Variants in TRIM66 observed in about 807,000 individuals in gnomAD.
The protein encoded by TRIM66 is tripartite motif-containing protein 66.
A neutral mutation model predicts 148.2 loss-of-function variants in TRIM66; 99 were observed. The ratio of observed to expected loss-of-function variants is 0.67; its 90% CI spans 0.57 to 0.79. The LOEUF is 0.79. Ranked by LOEUF, TRIM66 falls within the 30% of genes least tolerant of loss-of-function variation. TRIM66 has a pLI of 0.00. For missense variants in TRIM66, 1,666 were observed against 1,697.9 expected, an observed-to-expected ratio of 0.98 and a Z score of 0.33; for synonymous variants, 616 against 635.9, an observed-to-expected ratio of 0.97 and a Z score of 0.47.
chr11:8,622,365 C>CACACAT, intron 18 of TRIM66, among the ~76,000 whole-genome samples: 6 of 59,612 alleles, frequency 1.0e-4, no homozygotes, highest in African/African-American at 2.3e-4. Context: ...CACACACACA[C>CACACAT]ATATATATAT....
chr11:8,675,438 A>G (rs1449238218), intron 3 of TRIM66, among the ~76,000 whole-genome samples: 6 of 152,332 alleles, frequency 3.9e-5, no homozygotes, highest in Non-Finnish European at 2.9e-5. Flanking sequence ...GCTGGAGTAC[A>G]ATGGCGTGAT....
At chr11:8,620,311 G>A in intron 21 of TRIM66, 135 bp downstream of exon 21, 1 of 1,417,184 alleles carries the variant, frequency 7.1e-7, no homozygotes. Flanking sequence ...AAACACCCCT[G>A]GGCCAAGTTG....
In TRIM66 at chr11:8,624,869, C is replaced by T; in HGVS notation, c.2670G>A (p.Gln890=). The part of the protein sequence containing the change: ...AGPSLMSGHT[Q]AVPSLATCPL... Reference sequence around the variant, plus strand: ...GACAAGTTGCCAGACTCGGCACAGCCTGGGTGTGACCAGACATTAGGCTGG... The same window carrying T: ...GACAAGTTGCCAGACTCGGCACAGCTTGGGTGTGACCAGACATTAGGCTGG... Residue 890 remains glutamine, a synonymous_variant, in exon 16 of 25, where the codon CAG becomes CAA. Coordinates refer to ENST00000646038, the MANE Select transcript of TRIM66 (RefSeq NM_001388022.1). The T allele has an allele frequency of 2.6e-6, 4 of 1,551,708 alleles. No individual in the cohort carries two copies. The highest frequency in any genetic ancestry group is 3.5e-6 in the Non-Finnish European group (4 of 1,146,984).
chr11:8,681,779 T>C (rs2133595972), intron 1 of TRIM66, among the ~76,000 whole-genome samples: 1 of 152,102 alleles, frequency 6.6e-6, no homozygotes, highest in East Asian at 1.9e-4. Context: ...AAGACAAACG[T>C]AGGTCAATAA....
At position 8,633,066 on chromosome 11, in the gene TRIM66, G is replaced by T. The variant is rs139617087; in HGVS notation, c.2310+5588C>A. On this transcript the variant is annotated intron_variant, in intron 15 of 24. Coordinates refer to ENST00000646038, the MANE Select transcript of TRIM66 (RefSeq NM_001388022.1). ...AGTCTGAAGTGAAAGCCTGATGAGT[G>T]GAACCCTCAAACCCCAAGGCTTGGA... Among the ~76,000 whole-genome samples, 210 of 152,288 alleles carry T rather than the reference G, an allele frequency of 1.4e-3. 1 individual carries two copies. The highest frequency in any genetic ancestry group is 6.8e-3 in the Middle Eastern group (2 of 294).
chr11:8,627,295 A>C lies in TRIM66; in HGVS notation c.2311-2067T>G, dbSNP rs149616214. On this transcript the variant is annotated intron_variant, in intron 15 of 24. Coordinates refer to ENST00000646038, the MANE Select transcript of TRIM66 (RefSeq NM_001388022.1). ...CTAATACAGGACTGTTTATTCTACA[A>C]ATCTTTAGCCAAATGAACAGCAGCT... Among the ~76,000 whole-genome samples, 1,093 of 152,316 alleles carry C rather than the reference A, an allele frequency of 7.2e-3. 47 individuals carry two copies. The highest frequency in any genetic ancestry group is 0.064 in the Admixed American group (983 of 15,296).
Position 8,646,427 on chromosome 11 carries a change from A to G in TRIM66, c.957+20T>C, listed in dbSNP as rs1343197904. 6.5e-6 allele frequency: 10 copies of G among 1,544,812 alleles called. No homozygotes were observed. The highest frequency in any genetic ancestry group is 8.8e-6 in the Non-Finnish European group (10 of 1,140,526). On this transcript the variant is annotated intron_variant, in intron 11 of 24. Coordinates refer to ENST00000646038, the MANE Select transcript of TRIM66 (RefSeq NM_001388022.1). The stretch of plus-strand genomic sequence containing the variant: ...GATGGTTTCTGAACCCAACCATCTG[A>G]TCCATCTGTCTATACATACCTCTAA...
intron 13 of TRIM66, among the ~76,000 whole-genome samples, chr11:8,642,392 G>A (rs1176490160): frequency 1.3e-5 from 2 of 152,170 alleles, no homozygotes; most frequent in African/African-American, 4.8e-5. Context: ...AGCCTCAAAT[G>A]AAGGCAGCAG....
Position 8,620,200 on chromosome 11 carries a change from A to G in TRIM66, c.3673-76T>C, listed in dbSNP as rs1165451453. ...GTATGAACTAAAGATGTTGACCCTG[A>G]TAACTCCCTGGCTCTGTCCCACAGG... On this transcript the variant is annotated intron_variant, in intron 21 of 24. Coordinates refer to ENST00000646038, the MANE Select transcript of TRIM66 (RefSeq NM_001388022.1). 27 of 1,422,390 alleles carry G rather than the reference A, an allele frequency of 1.9e-5. No homozygotes were observed. In the East Asian group the frequency reaches 6.7e-4, roughly 35 times the overall value. 88.1% of individuals were successfully genotyped at this position (1,422,390 alleles called of 1,614,324 possible).
At chr11:8,672,499 C>T (rs2038983132) in intron 4 of TRIM66, 114 bp from the exon 5 acceptor site, 21 of 1,166,584 alleles carry the variant, frequency 1.8e-5, no homozygotes, top group Non-Finnish European at 2.4e-5. Flanking sequence ...TTAAATAAAA[C>T]CAAGAGGGAC....
intron 20 of TRIM66, 76 bp from the exon 21 acceptor site, chr11:8,620,648 G>A (rs2034116310): frequency 6.7e-7 from 1 of 1,502,920 alleles, no homozygotes; most frequent in African/African-American, 1.4e-5. Context: ...CTGCCCTATG[G>A]CAGGCGTGAG....
chr11:8,678,528 T>C lies in TRIM66; in HGVS notation c.-190+1092A>G, dbSNP rs890557479. 7.9e-5 allele frequency among the ~76,000 whole-genome samples: 12 copies of C among 152,336 alleles called. No homozygotes were observed. The South Asian group carries it at 1.2e-3, about 16-fold the overall frequency. On this transcript the variant is annotated intron_variant, in intron 3 of 24. Transcript: ENST00000646038. ...AGGGTGGAATGATTTGAGTTGCTTA[T>C]ACTTATATTTTTTTCAGAATTTTCT...
At chr11:8,648,599 C>G in intron 8 of TRIM66, 51 bp from the exon 9 acceptor site, 1 of 1,546,654 alleles carries the variant, frequency 6.5e-7, no homozygotes, top group South Asian at 1.2e-5. Context: ...GTAGACAAAC[C>G]TCTCAGTTAA....
intron 17 of TRIM66, 54 bp from the exon 18 acceptor site, chr11:8,622,930 C>T (rs375545107): frequency 1.8e-5 from 26 of 1,443,916 alleles, no homozygotes; most frequent in Middle Eastern, 1.7e-4. Context: ...CAACAAACCC[C>T]GTCATGCATA....
intron 8 of TRIM66, among the ~76,000 whole-genome samples, chr11:8,649,242 A>G (rs1234793439): frequency 6.6e-6 from 1 of 152,100 alleles, no homozygotes; most frequent in East Asian, 1.9e-4. Flanking sequence ...GGGAGGCTGA[A>G]GCAGGAGAAT....
intron 4 of TRIM66, among the ~76,000 whole-genome samples, 172 bp from the exon 5 acceptor site, chr11:8,672,557 A>G (rs910728657): frequency 8.6e-5 from 13 of 151,942 alleles, no homozygotes; most frequent in Non-Finnish European, 1.9e-4. Context: ...ACAAAGACAG[A>G]TGGCAAATGG....
chr11:8,676,839 A>G (rs1285192011), intron 3 of TRIM66, among the ~76,000 whole-genome samples: 1 of 152,234 alleles, frequency 6.6e-6, no homozygotes, highest in African/African-American at 2.4e-5. Context: ...TCAAATGCCT[A>G]CAGGGGCTGG....
rs781335044 is a variant in TRIM66 at position 8,654,882 on chromosome 11, G to A, written c.341-2979C>T. On this transcript the variant is annotated intron_variant, in intron 6 of 24. Transcript: ENST00000646038. The stretch of plus-strand genomic sequence containing the variant: ...TTGTTTGTTTTTGTTTTTTTTTGAC[G>A]TGGAGTCTTGCTCTGTCACCCAGGG... 2.8e-4 allele frequency among the ~76,000 whole-genome samples: 42 copies of A among 151,678 alleles called. 1 individual carries two copies. Among genetic ancestry groups the A allele is most frequent in the Admixed American group, 1.4e-3 (21 of 15,234 alleles).
chr11:8,648,454 A>G lies in TRIM66; in HGVS notation c.687T>C (p.Thr229=). ...KLFCETCDML[T]CHSCLVVEHK... ...GTTCCACCACTAGGCAGCTATGGCAAGTGAGCATATCACATGTCTCACAGA... is the reference window on the plus strand; with the variant it reads ...GTTCCACCACTAGGCAGCTATGGCAGGTGAGCATATCACATGTCTCACAGA... Residue 229 remains threonine (T), a synonymous_variant, in exon 9 of 25, where the codon ACT becomes ACC. Coordinates refer to ENST00000646038, the MANE Select transcript of TRIM66 (RefSeq NM_001388022.1). 1 of 1,551,734 alleles carries G rather than the reference A, an allele frequency of 6.4e-7. No individual in the cohort carries two copies. The highest frequency in any genetic ancestry group is 8.7e-7 in the Non-Finnish European group (1 of 1,147,008).
Sources: allele counts gnomAD v4.1 joint callset (sites outside exome capture counted in the v4.1 genomes callset), GRCh38; gene constraint gnomAD v4.1.1; transcripts MANE v1.5; gene names NCBI Gene and HGNC (gene_info 2026-07-23, HGNC 2026-07-21).